Variants in TRRAP observed in about 807,000 individuals in gnomAD.
TRRAP encodes the protein transformation/transcription domain-associated protein.
TRRAP carries 41 observed loss-of-function variants against 438.8 expected under a neutral mutation model. The observed-to-expected ratio is 0.09, with a 90% CI of 0.07 to 0.12. The LOEUF is 0.12. TRRAP is among the 10% of genes least tolerant of loss of function. The probability of loss-of-function intolerance (pLI) is 1.00; values close to 1 mark genes in which losing one functional copy is unlikely to be tolerated. For missense variants in TRRAP, 3,122 were observed against 5,055.1 expected (o/e 0.62, Z 11.60); for synonymous variants, 1,994 against 1,962.9 (o/e 1.02, Z -0.42).
At chr7:98,944,080 A>G (rs1273686627) in intron 31 of TRRAP, among the ~76,000 whole-genome samples, 2 of 152,184 alleles carry the variant, frequency 1.3e-5, no homozygotes, top group Non-Finnish European at 2.9e-5. Context: ...TTTGCTGTTT[A>G]TATATGTGGA....
At chr7:98,984,548 TAC>T (rs1793070818) in intron 61 of TRRAP, among the ~76,000 whole-genome samples, 190 bp downstream of exon 61, 1 of 152,172 alleles carries the variant, frequency 6.6e-6, no homozygotes, top group Non-Finnish European at 1.5e-5. Flanking sequence ...GACTGTGAAT[TAC>T]AGTCTCTTGT....
chr7:98,989,390 C>A (rs1666207039), intron 63 of TRRAP, among the ~76,000 whole-genome samples: 1 of 152,244 alleles, frequency 6.6e-6, no homozygotes, highest in African/African-American at 2.4e-5. Context: ...TGCCCCCCAG[C>A]AGCCCTGAGC....
intron 27 of TRRAP, 53 bp from the exon 28 acceptor site, chr7:98,935,526 A>C: frequency 1.3e-6 from 2 of 1,516,308 alleles, no homozygotes; most frequent in South Asian, 2.3e-5. Flanking sequence ...TTGCAAGGTT[A>C]TTATGTCTTC....
At chr7:98,945,873 T>C in intron 32 of TRRAP, 57 bp from the exon 33 acceptor site, 2 of 1,568,964 alleles carry the variant, frequency 1.3e-6, no homozygotes, top group South Asian at 2.3e-5. Flanking sequence ...TTTTCTTTTC[T>C]TTTCTTTTTA....
At chr7:98,887,699 C>T (rs1795774695) in intron 3 of TRRAP, among the ~76,000 whole-genome samples, 1 of 132,606 alleles carries the variant, frequency 7.5e-6, no homozygotes, top group South Asian at 2.6e-4. Context: ...CATTGCACTC[C>T]AGCCTGGTGA....
chr7:98,988,118 C>T (rs1243043689), intron 62 of TRRAP, among the ~76,000 whole-genome samples: 2 of 152,140 alleles, frequency 1.3e-5, no homozygotes, highest in Non-Finnish European at 2.9e-5. Context: ...AGGATGTTTG[C>T]GTCTGTATCA....
intron 3 of TRRAP, among the ~76,000 whole-genome samples, chr7:98,890,042 T>A (rs1461568701): frequency 6.6e-6 from 1 of 152,194 alleles, no homozygotes; most frequent in African/African-American, 2.4e-5. Flanking sequence ...CATAGAGGTT[T>A]CATACTTAGA....
At chr7:98,937,551 G>A in intron 29 of TRRAP, 99 bp from the exon 30 acceptor site, 3 of 1,304,390 alleles carry the variant, frequency 2.3e-6, no homozygotes, top group Non-Finnish European at 3.1e-6. Flanking sequence ...CTTCCTAAAG[G>A]AGAACGGAAA....
In TRRAP at chr7:98,922,016, G is replaced by A. The variant is rs1395454247; in HGVS notation, c.2823+63G>A. 3.7e-6 allele frequency: 6 copies of A among 1,602,682 alleles called. No individual in the cohort carries two copies. In the Admixed American group the frequency reaches 8.5e-5, roughly 23 times the overall value. ...GTGAAGATACTATGTTTCAGTCTAT[G>A]TGAAATGTTAATTAGACCTGTGTCT... On this transcript the variant is annotated intron_variant, in intron 21 of 72. Transcript: ENST00000456197.
intron 35 of TRRAP, 152 bp from the exon 36 acceptor site, chr7:98,949,265 A>T: frequency 1.1e-6 from 1 of 935,654 alleles, no homozygotes; most frequent in Non-Finnish European, 1.4e-6. Flanking sequence ...GCATCTTTTT[A>T]AAAAGCATGC....
At chr7:98,978,674 A>G (rs1036145992) in intron 57 of TRRAP, 95 bp from the exon 58 acceptor site, 2 of 1,527,378 alleles carry the variant, frequency 1.3e-6, no homozygotes, top group Non-Finnish European at 1.8e-6. Flanking sequence ...CTTCTGTAGA[A>G]TGGAAATTTG....
chr7:98,961,517 G>C, intron 46 of TRRAP, 43 bp downstream of exon 46: 1 of 1,603,062 alleles, frequency 6.2e-7, no homozygotes, highest in Non-Finnish European at 8.5e-7. Context: ...CAAAGTGGAC[G>C]GTGGGCGCGG....
chr7:98,889,878 AGTAC>A (rs1359515743), intron 3 of TRRAP, among the ~76,000 whole-genome samples: 1 of 152,164 alleles, frequency 6.6e-6, no homozygotes, highest in Non-Finnish European at 1.5e-5. Flanking sequence ...TTTTAAAATC[AGTAC>A]TAGGATCAAT....
intron 65 of TRRAP, 78 bp downstream of exon 65, chr7:98,992,305 C>T (rs553367696): frequency 3.8e-5 from 55 of 1,457,446 alleles, no homozygotes; most frequent in Admixed American, 2.0e-4. Flanking sequence ...GACAGACCAC[C>T]GCAGCCACCC....
At chr7:98,881,310 C>T (rs781944393) in intron 2 of TRRAP, 60 bp downstream of exon 2, 8 of 1,489,362 alleles carry the variant, frequency 5.4e-6, no homozygotes, top group African/African-American at 1.4e-5. Context: ...CGGTGGCTCA[C>T]GTCTGTAATC....
rs528144262 is a variant in TRRAP, at chr7:99,005,575, C to T, written c.10753+227C>T. ...GATGAGAGCTGTGTCCACCTTTCCT[C>T]TAAGGCGAGCTTGTCCAACCTGCGG... On this transcript the variant is annotated intron_variant, in intron 69 of 72. Coordinates refer to ENST00000456197, the MANE Select transcript of TRRAP (RefSeq NM_001375524.1). This position sits in a 1 kb window ranked among gnomAD's most constrained non-coding sequence, Gnocchi z 5.1. 3.3e-5 allele frequency among the ~76,000 whole-genome samples: 5 copies of T among 152,342 alleles called. No homozygotes were observed. The highest frequency in any genetic ancestry group is 1.9e-4 in the East Asian group (1 of 5,186).
rs782709716 is a variant in TRRAP, at chr7:98,956,028, G to A, written c.5938-118G>A. ...ATTCTTGAGCATCAAGTTGGGCTGT[G>A]TGTGTATGTTGGGGCTGAGAGGCAT... On this transcript the variant is annotated intron_variant, in intron 41 of 72. Coordinates refer to ENST00000456197, the MANE Select transcript of TRRAP (RefSeq NM_001375524.1). This position sits in a 1 kb window ranked among gnomAD's most constrained non-coding sequence, Gnocchi z 4.5. 232 of 1,249,688 alleles carry A rather than the reference G, an allele frequency of 1.9e-4. No individual in the cohort carries two copies. Among genetic ancestry groups the A allele is most frequent in the Non-Finnish European group, 2.5e-4 (228 of 916,100 alleles). 77.4% of individuals were successfully genotyped at this position (1,249,688 alleles called of 1,614,324 possible).
At chr7:98,938,042 C>T (rs1395402340) in intron 30 of TRRAP, among the ~76,000 whole-genome samples, 1 of 152,048 alleles carries the variant, frequency 6.6e-6, no homozygotes, top group Non-Finnish European at 1.5e-5. Flanking sequence ...GGTGTGGCAG[C>T]GTGCATCTGT....
At chr7:98,947,790 C>G (rs1791153426) in intron 33 of TRRAP, among the ~76,000 whole-genome samples, 1 of 152,166 alleles carries the variant, frequency 6.6e-6, no homozygotes, top group African/African-American at 2.4e-5. Flanking sequence ...CATCTGTGCC[C>G]TTAGAACTTA....
Sources: allele counts gnomAD v4.1 joint callset (sites outside exome capture counted in the v4.1 genomes callset), GRCh38; gene constraint gnomAD v4.1.1; non-coding constraint Gnocchi (gnomAD v3.1); transcripts MANE v1.5; gene names NCBI Gene and HGNC (gene_info 2026-07-23, HGNC 2026-07-21).